The following KCNIP4 variants were observed in gnomAD, a reference collection of about 807,000 sequenced individuals.
KCNIP4 encodes potassium voltage-gated channel interacting protein 4.
A neutral mutation model predicts 34.0 loss-of-function variants in KCNIP4; 12 were observed. The ratio of observed to expected loss-of-function variants is 0.35; its 90% CI spans 0.23 to 0.57. KCNIP4 has a LOEUF of 0.57. KCNIP4 is among the 20% of genes least tolerant of loss of function. The pLI is 0.83. For synonymous variants in KCNIP4, 124 were observed against 102.2 expected, an observed-to-expected ratio of 1.21 and a Z score of -1.29; for missense variants, 238 against 311.7, an observed-to-expected ratio of 0.76 and a Z score of 1.78.
chr4:21,567,853 A>T (rs1017267770), intron 1 of KCNIP4, among the ~76,000 whole-genome samples: 2 of 152,116 alleles, frequency 1.3e-5, no homozygotes, highest in African/African-American at 4.8e-5. Context: ...CTCATACCTC[A>T]TCTCAAAGCT....
chr4:21,475,339 C>T (rs562259287), intron 1 of KCNIP4, among the ~76,000 whole-genome samples: 1 of 152,228 alleles, frequency 6.6e-6, no homozygotes, highest in East Asian at 1.9e-4. Flanking sequence ...GAAACTGGGG[C>T]TTAGAGAAGA....
At chr4:20,753,261 A>G (rs530582418) in intron 4 of KCNIP4, among the ~76,000 whole-genome samples, 1 of 152,308 alleles carries the variant, frequency 6.6e-6, no homozygotes, top group African/African-American at 2.4e-5. Flanking sequence ...GAATCAAGAT[A>G]TTCCTATACC....
chr4:21,310,616 T>C (rs560326733), intron 1 of KCNIP4, among the ~76,000 whole-genome samples: 2 of 151,400 alleles, frequency 1.3e-5, no homozygotes, highest in South Asian at 2.1e-4. Flanking sequence ...ACATAATAAA[T>C]GTATTTCTTT....
intron 1 of KCNIP4, among the ~76,000 whole-genome samples, chr4:21,860,418 G>A (rs2109349811): frequency 6.6e-6 from 1 of 152,300 alleles, no homozygotes; most frequent in Middle Eastern, 3.4e-3. Flanking sequence ...ACAGACATGA[G>A]CCACTGTGCC....
chr4:21,588,195 T>C (rs1333015144), intron 1 of KCNIP4, among the ~76,000 whole-genome samples: 1 of 152,052 alleles, frequency 6.6e-6, no homozygotes. Context: ...TTTTAAGATA[T>C]AAAATAAAAT....
chr4:21,441,968 T>A (rs571784614), intron 1 of KCNIP4, among the ~76,000 whole-genome samples: 1 of 152,188 alleles, frequency 6.6e-6, no homozygotes, highest in Non-Finnish European at 1.5e-5. Context: ...CCACTAAATA[T>A]CATCTATAGA....
chr4:21,682,777 C>T (rs893580793), intron 1 of KCNIP4, among the ~76,000 whole-genome samples: 3 of 152,016 alleles, frequency 2.0e-5, no homozygotes, highest in Non-Finnish European at 2.9e-5. Context: ...GAAGAAAAGA[C>T]ATGGGGAATA....
intron 3 of KCNIP4, among the ~76,000 whole-genome samples, chr4:20,783,794 T>C (rs1484377618): frequency 1.3e-5 from 2 of 152,222 alleles, no homozygotes; most frequent in African/African-American, 2.4e-5. Context: ...TTCTGCTTAA[T>C]AGGAATTCAG....
intron 1 of KCNIP4, among the ~76,000 whole-genome samples, chr4:21,050,487 T>C (rs980938264): frequency 3.3e-5 from 5 of 152,204 alleles, no homozygotes; most frequent in East Asian, 1.9e-4. Flanking sequence ...TCAGTCTCCA[T>C]AGTTAAAGAC....
chr4:21,029,820 C>A (rs139203485), intron 1 of KCNIP4, among the ~76,000 whole-genome samples: 20 of 152,256 alleles, frequency 1.3e-4, no homozygotes, highest in African/African-American at 4.6e-4. Context: ...TGCATAGAGG[C>A]CTTTGACTTA....
At chr4:21,303,185 C>T (rs1174890175) in intron 1 of KCNIP4, among the ~76,000 whole-genome samples, 1 of 152,100 alleles carries the variant, frequency 6.6e-6, no homozygotes, top group Non-Finnish European at 1.5e-5. Context: ...CTCTAATGAA[C>T]ATAAACAGCA....
chr4:20,850,546 C>A lies in KCNIP4; in HGVS notation c.285G>T (p.Lys95Asn). The part of the protein sequence containing the change: ...KELQILYRGF[K>N]NECPSGVVNE... ...AAGTCAAAAAGAAAGTTCTTACATT[C>A]TTAAATCCTCTGTAAAGGATCTGAA... The change falls in exon 3 of 9, where the codon AAG becomes AAT. Residue 95 changes from lysine to asparagine, a missense_variant. Transcript: ENST00000382152. The A allele has an allele frequency of 1.9e-6, 3 of 1,612,502 alleles. No individual in the cohort carries two copies. The highest frequency in any genetic ancestry group is 2.5e-6 in the Non-Finnish European group (3 of 1,179,590).
At chr4:21,634,266 T>C (rs539712077) in intron 1 of KCNIP4, among the ~76,000 whole-genome samples, 2 of 151,262 alleles carry the variant, frequency 1.3e-5, no homozygotes, top group East Asian at 3.9e-4. Flanking sequence ...TACATACTTT[T>C]ATGCCTAATT....
intron 1 of KCNIP4, among the ~76,000 whole-genome samples, chr4:21,235,861 G>A (rs1179137394): frequency 6.6e-6 from 1 of 152,190 alleles, no homozygotes; most frequent in Non-Finnish European, 1.5e-5. Context: ...AGAGGAGGAA[G>A]TACTGCTTCT....
intron 1 of KCNIP4, among the ~76,000 whole-genome samples, chr4:21,675,664 T>C (rs2109015703): frequency 6.6e-6 from 1 of 152,332 alleles, no homozygotes; most frequent in South Asian, 2.1e-4. Context: ...ATTTACCACC[T>C]TGCCTTGCTG....
chr4:21,775,316 G>T (rs1033337191), intron 1 of KCNIP4, among the ~76,000 whole-genome samples: 1 of 152,130 alleles, frequency 6.6e-6, no homozygotes, highest in African/African-American at 2.4e-5. Context: ...GGCTGGAAAA[G>T]AGCAAAGATG....
intron 2 of KCNIP4, among the ~76,000 whole-genome samples, chr4:20,881,981 A>G (rs1434234342): frequency 6.6e-6 from 1 of 152,162 alleles, no homozygotes; most frequent in Non-Finnish European, 1.5e-5. Flanking sequence ...GTGTGAGCCA[A>G]TTCCTTCAAA....
chr4:21,888,439 G>A (rs912744533), intron 1 of KCNIP4, among the ~76,000 whole-genome samples: 2 of 152,036 alleles, frequency 1.3e-5, no homozygotes, highest in Non-Finnish European at 2.9e-5. Context: ...AATAAAAAAT[G>A]AGTCAAAACT....
At chr4:21,026,316 C>A (rs1740556349) in intron 1 of KCNIP4, among the ~76,000 whole-genome samples, 1 of 152,160 alleles carries the variant, frequency 6.6e-6, no homozygotes, top group Non-Finnish European at 1.5e-5. Context: ...GTTATTATAG[C>A]TCTTGTTATT....
Sources: gnomAD v4.1 joint callset for allele counts (sites outside exome capture counted in the v4.1 genomes callset) on GRCh38, gnomAD v4.1.1 for gene constraint, MANE v1.5 for transcripts, NCBI Gene and HGNC (gene_info 2026-07-23, HGNC 2026-07-21) for gene names.